KLF8: variants seen among roughly 807,000 people sequenced by gnomAD.
KLF8 encodes the protein KLF transcription factor 8.
In KLF8, 10 loss-of-function variants were observed where a neutral mutation model predicts 18.2. The ratio of observed to expected loss-of-function variants is 0.55; its 90% CI spans 0.34 to 0.93. The LOEUF is 0.93. Among genes scored for constraint, KLF8 ranks in the 40% least tolerant of loss-of-function variants. The pLI is 0.02. For synonymous variants in KLF8, 109 were observed against 97.3 expected (o/e 1.12, Z -0.71); for missense variants, 264 against 277.9 (o/e 0.95, Z 0.36).
chrX:55,955,894 C>T, the KLF8 span, among the ~76,000 whole-genome samples: 1 of 111,113 alleles, frequency 9.0e-6, no homozygotes, highest in African/African-American at 3.3e-5. Context: ...CAATGAGTTG[C>T]CAATATTTAA....
At chrX:56,160,790 C>T in the KLF8 span, among the ~76,000 whole-genome samples, 20 of 111,226 alleles carry the variant, frequency 1.8e-4, no homozygotes, top group East Asian at 1.4e-3. Flanking sequence ...TGTCTCTGCG[C>T]GTGAGATGGG....
the KLF8 span, among the ~76,000 whole-genome samples, chrX:56,056,892 A>T: frequency 4.2e-3 from 460 of 108,711 alleles, 3 homozygotes; most frequent in Non-Finnish European, 7.4e-3. Context: ...GCTCTCCAAC[A>T]GCTGGTCACT....
the KLF8 span, among the ~76,000 whole-genome samples, chrX:56,002,571 A>AT: frequency 1.8e-5 from 2 of 111,688 alleles, no homozygotes; most frequent in Non-Finnish European, 3.8e-5. Flanking sequence ...CACTCAGAAA[A>AT]TAGTAGTTGA....
the KLF8 span, among the ~76,000 whole-genome samples, chrX:56,103,541 T>A: frequency 8.1e-5 from 9 of 111,636 alleles, no homozygotes; most frequent in Admixed American, 1.9e-4. Context: ...GGAATGCTTG[T>A]GATTTTTGCA....
chrX:56,230,797 G>T (rs963177849), upstream of KLF8, among the ~76,000 whole-genome samples: 2 of 110,918 alleles, frequency 1.8e-5, no homozygotes, highest in Admixed American at 9.6e-5. Flanking sequence ...GAGATCGCCT[G>T]GTGCTTCAGC....
Position 56,288,638 on chromosome X carries a change from G to A in KLF8, c.*4144G>A, listed in dbSNP as rs768974989. ...CCTGTAGTCTGGTAAATGTGCAATA[G>A]CATTATGTCTAAAAAACAATGTACA... On this transcript the variant is annotated 3_prime_UTR_variant, in exon 6 of 6. Coordinates refer to ENST00000468660, the MANE Select transcript of KLF8 (RefSeq NM_007250.5). Among the ~76,000 whole-genome samples the A allele has an allele frequency of 2.9e-4, 32 of 112,235 alleles. No homozygotes were observed. Among genetic ancestry groups the A allele is most frequent in the Non-Finnish European group, 5.1e-4 (27 of 53,285 alleles).
chrX:56,197,790 GA>G, the KLF8 span, among the ~76,000 whole-genome samples: 1 of 111,462 alleles, frequency 9.0e-6, no homozygotes, highest in African/African-American at 3.3e-5. Context: ...ACAAAAAAAA[GA>G]GAATTTCAGA....
chrX:56,015,840 A>G, the KLF8 span, among the ~76,000 whole-genome samples: 2 of 112,025 alleles, frequency 1.8e-5, no homozygotes, highest in African/African-American at 6.5e-5. Flanking sequence ...GGAAAGGGAA[A>G]AAATTAGAAG....
At chrX:56,024,971 A>C in the KLF8 span, among the ~76,000 whole-genome samples, 4,083 of 112,097 alleles carry the variant, frequency 0.036, 92 homozygotes, top group Non-Finnish European at 0.061. Flanking sequence ...TTCTCTAGCT[A>C]TGCAATATTG....
the KLF8 span, among the ~76,000 whole-genome samples, chrX:56,140,302 C>T: frequency 8.9e-6 from 1 of 111,859 alleles, no homozygotes; most frequent in South Asian, 3.8e-4. Context: ...AGGACACACA[C>T]ACTCGTATGT....
chrX:56,153,752 C>A, the KLF8 span, among the ~76,000 whole-genome samples: 1 of 111,313 alleles, frequency 9.0e-6, no homozygotes, highest in African/African-American at 3.3e-5. Flanking sequence ...CAAAATCAAT[C>A]TGCAAAAATC....
At chrX:56,247,653 C>A (rs2066641700) in intron 1 of KLF8, among the ~76,000 whole-genome samples, 1 of 109,536 alleles carries the variant, frequency 9.1e-6, no homozygotes, top group Non-Finnish European at 1.9e-5. Flanking sequence ...AAAGACACAT[C>A]AGCCTAGGCC....
the KLF8 span, among the ~76,000 whole-genome samples, chrX:56,045,793 A>G: frequency 5.4e-5 from 6 of 111,475 alleles, no homozygotes; most frequent in Admixed American, 1.9e-4. Flanking sequence ...TATCAGATCT[A>G]GGAGCTTTTT....
the KLF8 span, among the ~76,000 whole-genome samples, chrX:56,010,833 C>A: frequency 8.9e-6 from 1 of 111,755 alleles, no homozygotes; most frequent in African/African-American, 3.2e-5. Context: ...ACCAAACAGA[C>A]TTTAAACAAC....
the KLF8 span, among the ~76,000 whole-genome samples, chrX:56,144,477 C>T: frequency 1.0e-4 from 11 of 109,463 alleles, no homozygotes; most frequent in African/African-American, 3.0e-4. Context: ...CGGCTGGGCG[C>T]GGTGGCTCAC....
intron 3 of KLF8, 115 bp from the exon 4 acceptor site, chrX:56,269,263 C>T: frequency 9.7e-6 from 10 of 1,026,557 alleles, no homozygotes; most frequent in South Asian, 6.8e-5. Flanking sequence ...TTTTTTATTT[C>T]TTTATTTTTC....
the KLF8 span, among the ~76,000 whole-genome samples, chrX:56,116,001 G>A: frequency 1.9e-4 from 21 of 112,771 alleles, no homozygotes; most frequent in Non-Finnish European, 1.9e-4. Context: ...GGTTCACTTT[G>A]TTAAATATGA....
the KLF8 span, among the ~76,000 whole-genome samples, chrX:55,957,387 C>A: frequency 8.9e-6 from 1 of 111,777 alleles, no homozygotes; most frequent in African/African-American, 3.2e-5. Context: ...CCTTGAGATT[C>A]CACATGAATT....
chrX:56,142,547 A>G, the KLF8 span, among the ~76,000 whole-genome samples: 1 of 111,484 alleles, frequency 9.0e-6, no homozygotes, highest in Non-Finnish European at 1.9e-5. Context: ...CTAAATGTCA[A>G]CTATTCTTAA....
Sources: allele counts gnomAD v4.1 joint callset (sites outside exome capture counted in the v4.1 genomes callset), GRCh38; gene constraint gnomAD v4.1.1; transcripts MANE v1.5; gene names NCBI Gene and HGNC (gene_info 2026-07-23, HGNC 2026-07-21).